The following SRGAP1 variants were observed in gnomAD, a reference collection of about 807,000 sequenced individuals.
SRGAP1 encodes SLIT-ROBO Rho GTPase activating protein 1, also known as SLIT-ROBO Rho GTPase-activating protein 1.
SRGAP1 carries 43 observed loss-of-function variants against 121.9 expected under a neutral mutation model. That is an observed-to-expected ratio of 0.35 (90% CI 0.28 to 0.46). SRGAP1 has a LOEUF of 0.46. Among genes scored for constraint, SRGAP1 ranks in the 20% least tolerant of loss-of-function variants. The pLI is 1.00. For synonymous variants in SRGAP1, 447 were observed against 485.4 expected (o/e 0.92, Z 1.04); for missense variants, 1,102 against 1,350.9 (o/e 0.82, Z 2.89).
rs1319205523 is a variant in SRGAP1, at chr12:63,989,767, G to A, written c.264-143G>A. 8.3e-6 allele frequency: 5 copies of A among 602,134 alleles called. No homozygotes were observed. In the Middle Eastern group the frequency reaches 1.3e-3, roughly 151 times the overall value. 37.3% of individuals were successfully genotyped at this position (602,134 alleles called of 1,614,324 possible). On this transcript the variant is annotated intron_variant, in intron 2 of 21. Transcript: ENST00000355086. ...AAGCCTGTTCTGCTGGCTGATAAGT[G>A]TCCTGGTCTGAGAAATGCTCAGAGC...
rs903433430 is a variant in SRGAP1 at position 64,148,869 on chromosome 12, C to T, written c.*6197C>T. The T allele has an allele frequency of 4.6e-5, 7 of 152,192 alleles. No individual in the cohort carries two copies. Among genetic ancestry groups the T allele is most frequent in the Non-Finnish European group, 8.8e-5 (6 of 68,044 alleles). 9.4% of individuals were successfully genotyped at this position (152,192 alleles called of 1,614,324 possible). On this transcript the variant is annotated 3_prime_UTR_variant, in exon 22 of 22. Transcript: ENST00000355086. ...TCAGCATCCCAGAAGCTACTGTGCT[C>T]ATGCCTCTGTGAATGTATCAGTATC...
In SRGAP1 at chr12:64,126,400, A is replaced by G. The variant is rs142488814; in HGVS notation, c.2405+243A>G. Among the ~76,000 whole-genome samples, 400 of 152,330 alleles carry G rather than the reference A, an allele frequency of 2.6e-3. 5 individuals carry two copies. The highest frequency in any genetic ancestry group is 9.4e-3 in the African/African-American group (392 of 41,576). On this transcript the variant is annotated intron_variant, in intron 19 of 21. Coordinates refer to ENST00000355086, the MANE Select transcript of SRGAP1 (RefSeq NM_020762.4). ...AAGCTTTCAGATTGTTAGAAAAATA[A>G]CCTATGCATAGAATGGTGTTAAGAG...
intron 15 of SRGAP1, chr12:64,097,732 C>T (rs889846325): frequency 5.6e-6 from 1 of 177,440 alleles, no homozygotes; most frequent in African/African-American, 2.4e-5. Flanking sequence ...TTTTTCTCAA[C>T]CAATTTTAGG....
At position 64,147,077 on chromosome 12, in the gene SRGAP1, G is replaced by C. The variant is rs1439771754; in HGVS notation, c.*4405G>C. On this transcript the variant is annotated 3_prime_UTR_variant, in exon 22 of 22. Transcript: ENST00000355086. ...TAGAGCATTCATCCAAGTTCAGTGT[G>C]TAGTGTGATGGTTATTATAGATATT... 3 of 159,978 alleles carry C rather than the reference G, an allele frequency of 1.9e-5. No individual in the cohort carries two copies. In the East Asian group the frequency reaches 5.4e-4, roughly 29 times the overall value. The allele number at this position is 159,978 out of a possible 1,614,324, so 9.9% of individuals were successfully genotyped here. A position where few individuals can be genotyped will look rare whatever the true frequency, so the allele number is the denominator to read the frequency against.
intron 1 of SRGAP1, among the ~76,000 whole-genome samples, chr12:63,970,844 A>G (rs78330184): frequency 4.6e-5 from 7 of 152,308 alleles, no homozygotes; most frequent in African/African-American, 1.7e-4. Flanking sequence ...ATCTACAGCT[A>G]TCTTTTCTAA....
At chr12:64,105,996 C>A (rs1425238886) in intron 15 of SRGAP1, among the ~76,000 whole-genome samples, 2 of 152,170 alleles carry the variant, frequency 1.3e-5, no homozygotes, top group Non-Finnish European at 2.9e-5. Context: ...AAACTCCTGT[C>A]CCTGATAGTT....
rs764001536 is a variant in SRGAP1 at position 64,157,747 on chromosome 12, T to C, written c.*15075T>C. On this transcript the variant is annotated 3_prime_UTR_variant, in exon 22 of 22. Coordinates refer to ENST00000355086, the MANE Select transcript of SRGAP1 (RefSeq NM_020762.4). ...AGATCTAGGTCAGATACTGGCTCAA[T>C]TGTTAGCTGTGTGATTTCACAAGAG... 8.5e-5 allele frequency: 13 copies of C among 152,058 alleles called. No homozygotes were observed. The highest frequency in any genetic ancestry group is 7.4e-5 in the Non-Finnish European group (5 of 68,018). The allele number at this position is 152,058 out of a possible 1,614,324, so 9.4% of individuals were successfully genotyped here.
intron 1 of SRGAP1, among the ~76,000 whole-genome samples, chr12:63,945,581 A>G (rs1322244135): frequency 1.3e-5 from 2 of 152,130 alleles, no homozygotes; most frequent in African/African-American, 4.8e-5. Flanking sequence ...GGATTCCACA[A>G]CTTCAAGGTG....
Position 64,042,882 on chromosome 12 carries a change from G to A in SRGAP1, c.582G>A (p.Gly194=), listed in dbSNP as rs745839544. The change falls in exon 5 of 22, where the codon GGG becomes GGA. Residue 194 remains glycine (G), a synonymous_variant. Transcript: ENST00000355086. ...EAEKQEEKQI[G]RSGDPVFHIR... ...AAAAACAAGAGGAAAAGCAAATTGGGAGATCTGGTGATCCAGTCTTCCATA... is the reference window on the plus strand; with the variant it reads ...AAAAACAAGAGGAAAAGCAAATTGGAAGATCTGGTGATCCAGTCTTCCATA... 6 of 1,613,518 alleles carry A rather than the reference G, an allele frequency of 3.7e-6. No individual in the cohort carries two copies. The African/African-American group carries it at 5.3e-5, about 14-fold the overall frequency.
chr12:63,893,925 G>A (rs560120092), intron 1 of SRGAP1, among the ~76,000 whole-genome samples: 2 of 152,182 alleles, frequency 1.3e-5, no homozygotes, highest in Non-Finnish European at 2.9e-5. Context: ...TGCAACCTCC[G>A]TCTCCTGGGT....
intron 15 of SRGAP1, among the ~76,000 whole-genome samples, chr12:64,107,035 G>A (rs2036355815): frequency 6.6e-6 from 1 of 152,140 alleles, no homozygotes; most frequent in South Asian, 2.1e-4. Flanking sequence ...GCTAAAAGAT[G>A]ACAGAGCTAC....
At chr12:63,930,499 A>T (rs1361000015) in intron 1 of SRGAP1, among the ~76,000 whole-genome samples, 1 of 152,178 alleles carries the variant, frequency 6.6e-6, no homozygotes, top group East Asian at 1.9e-4. Flanking sequence ...ACGCTACACC[A>T]AAATGCAAAT....
intron 6 of SRGAP1, among the ~76,000 whole-genome samples, chr12:64,056,790 TG>T (rs1273302524): frequency 6.6e-6 from 1 of 152,176 alleles, no homozygotes; most frequent in Non-Finnish European, 1.5e-5. Context: ...TTTTCTCGCC[TG>T]GGGCCTTTGC....
At chr12:63,878,711 G>A (rs903187773) in intron 1 of SRGAP1, 3 of 152,180 alleles carry the variant, frequency 2.0e-5, no homozygotes, top group Non-Finnish European at 4.4e-5. Context: ...AGTAGATTTT[G>A]AGTTACATTG....
At chr12:64,136,074 A>G (rs2136647342) in intron 21 of SRGAP1, among the ~76,000 whole-genome samples, 1 of 152,318 alleles carries the variant, frequency 6.6e-6, no homozygotes. Context: ...ATCTGATTAG[A>G]TGGTGCCCAT....
At chr12:64,138,035 A>G (rs897869034) in intron 21 of SRGAP1, among the ~76,000 whole-genome samples, 2 of 151,622 alleles carry the variant, frequency 1.3e-5, no homozygotes, top group African/African-American at 2.4e-5. Flanking sequence ...AGTTCAGAAA[A>G]GTATATTCAC....
At chr12:63,887,241 G>T (rs1294092164) in intron 1 of SRGAP1, 2 of 152,214 alleles carry the variant, frequency 1.3e-5, no homozygotes, top group African/African-American at 4.8e-5. Context: ...ACTCACTTCC[G>T]TTTTCTACAT....
intron 1 of SRGAP1, among the ~76,000 whole-genome samples, chr12:63,906,310 T>C (rs908774261): frequency 2.0e-5 from 3 of 152,084 alleles, no homozygotes; most frequent in African/African-American, 4.8e-5. Context: ...TTTGTTTGTT[T>C]CTGGTTTTTT....
intron 17 of SRGAP1, 98 bp from the exon 18 acceptor site, chr12:64,115,714 TCA>T: frequency 1.2e-6 from 1 of 834,520 alleles, no homozygotes; most frequent in Non-Finnish European, 1.9e-6. Context: ...TGAGCCAAGA[TCA>T]CACCACTGCA....
Sources: gnomAD v4.1 joint callset for allele counts (sites outside exome capture counted in the v4.1 genomes callset) on GRCh38, gnomAD v4.1.1 for gene constraint, MANE v1.5 for transcripts, NCBI Gene and HGNC (gene_info 2026-07-23, HGNC 2026-07-21) for gene names.